MYO16: variants seen among roughly 807,000 people sequenced by gnomAD.
MYO16 encodes unconventional myosin-XVI.
In MYO16, 94 loss-of-function variants were observed where a neutral mutation model predicts 205.3. That is an observed-to-expected ratio of 0.46 (90% CI 0.39 to 0.54). MYO16 has a LOEUF of 0.54. MYO16 is among the 20% of genes least tolerant of loss of function. The probability of loss-of-function intolerance (pLI) is 0.00; values close to 1 mark genes in which losing one functional copy is unlikely to be tolerated. For missense variants in MYO16, 2,315 were observed against 2,387.5 expected, an observed-to-expected ratio of 0.97 and a Z score of 0.63; for synonymous variants, 988 against 954.0, an observed-to-expected ratio of 1.04 and a Z score of -0.66.
chr13:109,023,193 AT>A (rs1238528095), intron 23 of MYO16, among the ~76,000 whole-genome samples: 2 of 126,006 alleles, frequency 1.6e-5, no homozygotes, highest in East Asian at 4.5e-4. Flanking sequence ...TTTATATATT[AT>A]ATATGAATAT....
chr13:109,133,021 G>T (rs1254665830), intron 31 of MYO16, among the ~76,000 whole-genome samples: 1 of 152,214 alleles, frequency 6.6e-6, no homozygotes, highest in Non-Finnish European at 1.5e-5. Context: ...CAGTAGTGCA[G>T]TCAAGAGGGT....
intron 7 of MYO16, among the ~76,000 whole-genome samples, chr13:108,814,968 A>G (rs1875483350): frequency 1.3e-5 from 2 of 152,344 alleles, no homozygotes. Context: ...AAGGTTAGGA[A>G]AGGAGAAAGG....
chr13:108,853,730 G>T (rs1469022493), intron 10 of MYO16, among the ~76,000 whole-genome samples: 1 of 151,516 alleles, frequency 6.6e-6, no homozygotes, highest in Non-Finnish European at 1.5e-5. Flanking sequence ...AGCCTTCCAA[G>T]TAGCTGGGAC....
rs778083373 is a variant in MYO16 at position 109,052,357 on chromosome 13, C to T, written c.2930C>T (p.Ser977Phe). 6.2e-7 allele frequency: 1 copy of T among 1,613,072 alleles called. No individual in the cohort carries two copies. The highest frequency in any genetic ancestry group is 1.7e-5 in the Admixed American group (1 of 59,920). Residue 977 changes from serine (S) to phenylalanine (F), a missense_variant, in exon 25 of 35, where the codon TCC becomes TTC. Ser to Phe is a radical substitution (Grantham distance 155). Around this residue, in one of 3 missense-constraint regions of MYO16, gnomAD observed 1,213 missense variants for 1,274.4 expected, o/e 0.95. Transcript: ENST00000457511. ...CAGTCGAAATTGTCACAAACAGGAT[C>T]CCTCGTATCTGCCTATCCTTCCTTT... ...LFQSKLSQTG[S>F]LVSAYPSFKF...
chr13:108,957,966 A>G (rs1883439824), intron 17 of MYO16, among the ~76,000 whole-genome samples, 167 bp downstream of exon 17: 1 of 152,060 alleles, frequency 6.6e-6, no homozygotes, highest in Admixed American at 6.5e-5. Context: ...TAGAGCTGAC[A>G]TGCTAGTGGA....
chr13:109,121,413 G>A (rs1875985035), intron 29 of MYO16, among the ~76,000 whole-genome samples: 1 of 152,196 alleles, frequency 6.6e-6, no homozygotes, highest in Non-Finnish European at 1.5e-5. Flanking sequence ...TCCTCCAGCT[G>A]GGGCAGACTT....
intron 23 of MYO16, among the ~76,000 whole-genome samples, chr13:109,023,196 T>C (rs1221358676): frequency 1.6e-4 from 20 of 125,808 alleles, no homozygotes; most frequent in Non-Finnish European, 2.8e-4. Context: ...ATATATTATA[T>C]ATGAATATAA....
Position 109,198,704 on chromosome 13 carries a change from A to G in MYO16, c.5416-7905A>G, listed in dbSNP as rs185262252. On this transcript the variant is annotated intron_variant, in intron 34 of 34. Transcript: ENST00000457511. ...AACCATGGTACAACTGTAACAGCTC[A>G]TATTTAAACAGCACTCACTACTTTT... 6.6e-5 allele frequency among the ~76,000 whole-genome samples: 10 copies of G among 152,336 alleles called. No individual in the cohort carries two copies. The East Asian group carries it at 1.9e-3, about 29-fold the overall frequency.
At chr13:108,711,885 A>T (rs576489487) in intron 2 of MYO16, among the ~76,000 whole-genome samples, 4 of 152,354 alleles carry the variant, frequency 2.6e-5, no homozygotes, top group Admixed American at 2.0e-4. Context: ...ATGGTATTTT[A>T]TTAAAAGTAT....
intron 21 of MYO16, among the ~76,000 whole-genome samples, chr13:108,994,715 C>T (rs1031001136): frequency 3.3e-5 from 5 of 152,090 alleles, no homozygotes; most frequent in South Asian, 2.1e-4. Context: ...TTCACTCGAA[C>T]GTCAACTCCT....
At chr13:108,705,023 C>G (rs1438798057) in intron 2 of MYO16, among the ~76,000 whole-genome samples, 1 of 151,846 alleles carries the variant, frequency 6.6e-6, no homozygotes, top group Admixed American at 6.6e-5. Context: ...TACAATAGTG[C>G]CCCCTTACCC....
At chr13:109,036,704 G>A (rs893860095) in intron 23 of MYO16, among the ~76,000 whole-genome samples, 2 of 152,086 alleles carry the variant, frequency 1.3e-5, no homozygotes, top group Non-Finnish European at 2.9e-5. Context: ...ATATTGAGTC[G>A]CATGAATATA....
At chr13:108,979,494 A>AT (rs1298739198) in intron 20 of MYO16, among the ~76,000 whole-genome samples, 2 of 152,086 alleles carry the variant, frequency 1.3e-5, no homozygotes, top group East Asian at 1.9e-4. Context: ...CAAACTGGGG[A>AT]TTTTTTTACC....
intron 21 of MYO16, among the ~76,000 whole-genome samples, chr13:109,003,443 C>A (rs1885282841): frequency 6.6e-6 from 1 of 152,164 alleles, no homozygotes; most frequent in African/African-American, 2.4e-5. Flanking sequence ...AGAAGTCCAG[C>A]AGAGACGCTG....
intron 34 of MYO16, among the ~76,000 whole-genome samples, chr13:109,204,782 G>T (rs975541557): frequency 6.6e-6 from 1 of 152,166 alleles, no homozygotes; most frequent in African/African-American, 2.4e-5. Context: ...TTACCTGACT[G>T]CCCTGTTCCT....
chr13:109,155,181 T>C (rs1877937945), intron 32 of MYO16, among the ~76,000 whole-genome samples: 1 of 152,220 alleles, frequency 6.6e-6, no homozygotes, highest in Non-Finnish European at 1.5e-5. Context: ...TCGCTCTGTT[T>C]CCTACTTCAG....
chr13:109,063,692 C>T (rs1326374993), intron 27 of MYO16, among the ~76,000 whole-genome samples: 1 of 152,098 alleles, frequency 6.6e-6, no homozygotes, highest in Non-Finnish European at 1.5e-5. Flanking sequence ...ACTAAAACAG[C>T]CGTGTTTGTG....
intron 22 of MYO16, among the ~76,000 whole-genome samples, chr13:109,014,180 CA>C (rs1315533105): frequency 6.6e-6 from 1 of 152,208 alleles, no homozygotes; most frequent in Non-Finnish European, 1.5e-5. Context: ...CAGCTTTCTA[CA>C]TATGGCTAGC....
chr13:108,937,806 G>A (rs1882557323), intron 16 of MYO16, among the ~76,000 whole-genome samples: 1 of 152,060 alleles, frequency 6.6e-6, no homozygotes, highest in Non-Finnish European at 1.5e-5. Flanking sequence ...CTTTCTTTGT[G>A]TTGATTTTCA....
Sources: gnomAD v4.1 joint callset for allele counts (sites outside exome capture counted in the v4.1 genomes callset) on GRCh38, gnomAD v4.1.1 for gene constraint, gnomAD v4.1.1 regional missense constraint, MANE v1.5 for transcripts, NCBI Gene and HGNC (gene_info 2026-07-23, HGNC 2026-07-21) for gene names.